Variants in GTF2IRD2B observed in about 807,000 individuals in gnomAD.
GTF2IRD2B encodes the protein general transcription factor II-I repeat domain-containing protein 2B.
Under a neutral mutation model 55.6 loss-of-function variants are expected in GTF2IRD2B, and 10 were observed. The observed-to-expected ratio is 0.18, with a 90% CI of 0.11 to 0.31. GTF2IRD2B has a LOEUF of 0.31. GTF2IRD2B is among the 10% of genes least tolerant of loss of function. The pLI, the probability that GTF2IRD2B is intolerant of heterozygous loss-of-function variation, is 1.00. For missense variants in GTF2IRD2B, 206 were observed against 802.7 expected (o/e 0.26, Z 8.98); for synonymous variants, 107 against 320.5 (o/e 0.33, Z 7.12).
In GTF2IRD2B at chr7:75,148,240, G is replaced by A. The variant is rs200522526; in HGVS notation, c.1793G>A (p.Arg598His). 21 of 1,613,854 alleles carry A rather than the reference G, an allele frequency of 1.3e-5. No homozygotes were observed. In the Admixed American group the frequency reaches 1.3e-4, roughly 10 times the overall value. ...AAATCTGGCAACGAGATCTTTTTGCGTGTTGAGAAGAGCCTGAAAAAGTTC... is the reference window on the plus strand; with the variant it reads ...AAATCTGGCAACGAGATCTTTTTGCATGTTGAGAAGAGCCTGAAAAAGTTC... ...GTKSGNEIFLRVEKSLKKFCI... is the reference protein window; with the variant it reads ...GTKSGNEIFLHVEKSLKKFCI... Residue 598 changes from arginine to histidine, a missense_variant, in exon 16 of 16, where the codon CGT (arginine) becomes CAT (histidine). By Grantham distance (29) the Arg-to-His change is conservative. Transcript: ENST00000472837.
intron 1 of GTF2IRD2B, among the ~76,000 whole-genome samples, chr7:75,101,539 T>C (rs868906757): frequency 2.0e-5 from 3 of 151,014 alleles, no homozygotes; most frequent in South Asian, 2.1e-4. Context: ...ACTATGATCA[T>C]GGCACTGCAC....
At chr7:75,117,157 T>C in intron 3 of GTF2IRD2B, among the ~76,000 whole-genome samples, 1 of 150,776 alleles carries the variant, frequency 6.6e-6, no homozygotes, top group South Asian at 2.1e-4. Context: ...ATTCTGTCAA[T>C]GTGGTATGTT....
chr7:75,127,033 C>CA (rs782468849), intron 8 of GTF2IRD2B, among the ~76,000 whole-genome samples: 14 of 142,898 alleles, frequency 9.8e-5, no homozygotes, highest in Middle Eastern at 3.7e-3. Context: ...ACAAAAAAAA[C>CA]AAAAAAAAGA....
chr7:75,109,033 G>T lies in GTF2IRD2B; in HGVS notation c.69G>T (p.Val23=). The T allele has an allele frequency of 2.5e-6, 2 of 789,356 alleles. No individual in the cohort carries two copies. Among genetic ancestry groups the T allele is most frequent in the South Asian group, 3.7e-5 (2 of 54,420 alleles). The allele number at this position is 789,356 out of a possible 1,614,324, so 48.9% of individuals were successfully genotyped here. A position where few individuals can be genotyped will look rare whatever the true frequency, so the allele number is the denominator to read the frequency against. Residue 23 remains valine, a synonymous_variant, in exon 2 of 16, where the codon GTG becomes GTT. Coordinates refer to ENST00000472837, the MANE Select transcript of GTF2IRD2B (RefSeq NM_001003795.3). ...EESSSETRMV[V]TFLVSALESM... The stretch of plus-strand genomic sequence containing the variant: ...CCTCCTCAGAGACCAGGATGGTGGT[G>T]ACATTCCTCGTGTCTGCCCTCGAAT...
chr7:75,092,656 T>C lies in GTF2IRD2B; in HGVS notation c.-115T>C, dbSNP rs1426500360. On this transcript the variant is annotated 5_prime_UTR_variant, in exon 1 of 16. Coordinates refer to ENST00000472837, the MANE Select transcript of GTF2IRD2B (RefSeq NM_001003795.3). ...GCCGCCACCCACACGCCCCGAAGCG[T>C]GCTCGTCCCCCGCGCGGGGCTCCCG... 1 of 153,500 alleles carries C rather than the reference T, an allele frequency of 6.5e-6. No individual in the cohort carries two copies. Among genetic ancestry groups the C allele is most frequent in the African/African-American group, 2.4e-5 (1 of 41,494 alleles). 9.5% of individuals were successfully genotyped at this position (153,500 alleles called of 1,614,324 possible). A position where few individuals can be genotyped will look rare whatever the true frequency, so the allele number is the denominator to read the frequency against.
chr7:75,121,442 T>C (rs1208170267), intron 4 of GTF2IRD2B, among the ~76,000 whole-genome samples: 1 of 151,292 alleles, frequency 6.6e-6, no homozygotes, highest in African/African-American at 2.4e-5. Flanking sequence ...CATATGCTTA[T>C]CAAGCGAGGA....
intron 1 of GTF2IRD2B, among the ~76,000 whole-genome samples, chr7:75,099,442 G>GAA (rs1194667383): frequency 5.3e-5 from 1 of 18,774 alleles, no homozygotes; most frequent in Non-Finnish European, 1.0e-4. Context: ...TCTCAAAAAA[G>GAA]AAAAAAAAAA....
At chr7:75,130,119 T>C (rs1315559525) in intron 8 of GTF2IRD2B, among the ~76,000 whole-genome samples, 1 of 109,974 alleles carries the variant, frequency 9.1e-6, no homozygotes, top group African/African-American at 3.3e-5. Flanking sequence ...CTTTCTTTCT[T>C]TCTTTCTTTC....
chr7:75,120,167 G>T (rs1808320935), intron 3 of GTF2IRD2B, among the ~76,000 whole-genome samples: 1 of 71,478 alleles, frequency 1.4e-5, no homozygotes, highest in African/African-American at 7.1e-5. Context: ...CTATACTTGT[G>T]CCCCTTACAT....
intron 1 of GTF2IRD2B, among the ~76,000 whole-genome samples, chr7:75,104,136 G>C (rs1461973739): frequency 8.2e-6 from 1 of 121,548 alleles, no homozygotes; most frequent in East Asian, 2.7e-4. Context: ...CCCTTTTTTT[G>C]TTTTTAGATG....
intron 1 of GTF2IRD2B, among the ~76,000 whole-genome samples, chr7:75,107,359 A>T (rs1970994): frequency 7.1e-6 from 1 of 141,156 alleles, no homozygotes; most frequent in Non-Finnish European, 1.6e-5. Flanking sequence ...GCGGATCACG[A>T]GGTCAGGAGA....
At chr7:75,120,128 C>CAA (rs1410735935) in intron 3 of GTF2IRD2B, among the ~76,000 whole-genome samples, 1 of 76,488 alleles carries the variant, frequency 1.3e-5, no homozygotes, top group Non-Finnish European at 2.4e-5. Context: ...GACTCTGTCT[C>CAA]AAAAAAAAAA....
intron 1 of GTF2IRD2B, among the ~76,000 whole-genome samples, chr7:75,104,591 G>C (rs1365666196): frequency 6.6e-6 from 1 of 152,332 alleles, no homozygotes; most frequent in East Asian, 1.9e-4. Flanking sequence ...CTCTCCCGGG[G>C]ATGCTAAAGA....
intron 2 of GTF2IRD2B, among the ~76,000 whole-genome samples, chr7:75,109,437 C>G (rs1807899142): frequency 7.2e-6 from 1 of 138,742 alleles, no homozygotes; most frequent in African/African-American, 2.5e-5. Context: ...CTCCCGGGTT[C>G]AAGCAATTCT....
rs1808343182 is a variant in GTF2IRD2B, at chr7:75,120,968, AT to A, written c.317del (p.Ile106AsnfsTer18). ...GMQVHSGETE[I>X]LRKAVEDYFC... ...GCAGGTCCACTCGGGCGAAACGGAA[AT>A]ACTCAGGAAGGCAGTGGAGGACTAT... On this transcript the variant is annotated frameshift_variant, in exon 4 of 16. Transcript: ENST00000472837. LOFTEE classifies it high-confidence loss of function. 6.2e-7 allele frequency: 1 copy of A among 1,613,920 alleles called. No individual in the cohort carries two copies. Among genetic ancestry groups the A allele is most frequent in the Non-Finnish European group, 8.5e-7 (1 of 1,179,856 alleles).
At position 75,147,563 on chromosome 7, in the gene GTF2IRD2B, C is replaced by T. The variant is rs1384801432; in HGVS notation, c.1247-131C>T. 4.9e-6 allele frequency: 3 copies of T among 607,152 alleles called. No individual in the cohort carries two copies. In the African/African-American group the frequency reaches 5.6e-5, roughly 11 times the overall value. 37.6% of individuals were successfully genotyped at this position (607,152 alleles called of 1,614,324 possible). ...CCGTCCCTCTGCAGGGTGGGTCACCCTCCTGTTAACCACGCCCTGCCCCGC... is the reference window on the plus strand; with the variant it reads ...CCGTCCCTCTGCAGGGTGGGTCACCTTCCTGTTAACCACGCCCTGCCCCGC... On this transcript the variant is annotated intron_variant, in intron 15 of 15. Transcript: ENST00000472837.
rs1190391259 is a variant in GTF2IRD2B at position 75,127,491 on chromosome 7, A to AAGAG, written c.670+1123_670+1126dup. On this transcript the variant is annotated intron_variant, in intron 8 of 15. Coordinates refer to ENST00000472837, the MANE Select transcript of GTF2IRD2B (RefSeq NM_001003795.3). Reference sequence around the variant, plus strand: ...CTCAAAAAAAAAAAAAAAAAAAAAAAAGAGAGAGAGAGAGAGAGAGGGAGC... The same window carrying AAGAG: ...CTCAAAAAAAAAAAAAAAAAAAAAAAAGAGAGAGAGAGAGAGAGAGAGAGGGAGC... 1.5e-4 allele frequency among the ~76,000 whole-genome samples: 21 copies of AAGAG among 144,628 alleles called. 1 individual carries two copies. Among genetic ancestry groups the AAGAG allele is most frequent in the South Asian group, 8.6e-4 (4 of 4,630 alleles). 94.9% of individuals were successfully genotyped at this position (144,628 alleles called of 152,430 possible). A position where few individuals can be genotyped will look rare whatever the true frequency, so the allele number is the denominator to read the frequency against.
At chr7:75,132,479 C>G (rs2115813253) in intron 8 of GTF2IRD2B, among the ~76,000 whole-genome samples, 1 of 146,080 alleles carries the variant, frequency 6.8e-6, no homozygotes, top group Non-Finnish European at 1.5e-5. Context: ...TCTCCCAAAA[C>G]TAGGACTAGA....
At chr7:75,130,514 G>T (rs1242878309) in intron 8 of GTF2IRD2B, among the ~76,000 whole-genome samples, 6 of 151,080 alleles carry the variant, frequency 4.0e-5, no homozygotes, top group Non-Finnish European at 8.8e-5. Flanking sequence ...GAGTCTCGCT[G>T]TCGCCCAGAC....
Sources: gnomAD v4.1 joint callset for allele counts (sites outside exome capture counted in the v4.1 genomes callset) on GRCh38, gnomAD v4.1.1 for gene constraint, MANE v1.5 for transcripts, NCBI Gene and HGNC (gene_info 2026-07-23, HGNC 2026-07-21) for gene names.